NKAIN2: variants seen among roughly 807,000 people sequenced by gnomAD.
The protein encoded by NKAIN2 is sodium/potassium transporting ATPase interacting 2, also known as sodium/potassium-transporting ATPase subunit beta-1-interacting protein 2.
Under a neutral mutation model 32.6 loss-of-function variants are expected in NKAIN2, and 14 were observed. The ratio of observed to expected loss-of-function variants is 0.43; its 90% confidence interval spans 0.28 to 0.67. NKAIN2 has a LOEUF of 0.67. Ranked by LOEUF, NKAIN2 falls within the 30% of genes least tolerant of loss-of-function variation. The pLI, the probability that NKAIN2 is intolerant of heterozygous loss-of-function variation, is 0.17. For missense variants in NKAIN2, 198 were observed against 258.3 expected (o/e 0.77, Z 1.60); for synonymous variants, 80 against 87.2 (o/e 0.92, Z 0.46).
intron 1 of NKAIN2, among the ~76,000 whole-genome samples, chr6:124,239,838 A>ACACTTT (rs1792981211): frequency 6.6e-6 from 1 of 152,188 alleles, no homozygotes; most frequent in Non-Finnish European, 1.5e-5. Flanking sequence ...TAAAAGAACT[A>ACACTTT]GAGCAGCAAG....
intron 1 of NKAIN2, among the ~76,000 whole-genome samples, chr6:124,217,760 G>C (rs1791556617): frequency 6.6e-6 from 1 of 150,382 alleles, no homozygotes; most frequent in African/African-American, 2.4e-5. Context: ...AAATTCTGCT[G>C]GTAGATATAT....
chr6:124,789,599 C>T (rs1010698126), intron 4 of NKAIN2, among the ~76,000 whole-genome samples: 5 of 151,740 alleles, frequency 3.3e-5, no homozygotes, highest in Admixed American at 1.3e-4. Context: ...TTTCCAGTAC[C>T]CATGAAAATG....
chr6:123,949,483 G>C (rs944820955), intron 1 of NKAIN2, among the ~76,000 whole-genome samples: 3 of 151,844 alleles, frequency 2.0e-5, no homozygotes, highest in African/African-American at 4.8e-5. Context: ...ACTTTCATGA[G>C]TATCTTATAG....
At position 124,123,793 on chromosome 6, in the gene NKAIN2, A is replaced by G. The variant is rs142644726; in HGVS notation, c.55-159212A>G. 7.8e-4 allele frequency among the ~76,000 whole-genome samples: 119 copies of G among 152,212 alleles called. 1 individual carries two copies. Among genetic ancestry groups the G allele is most frequent in the African/African-American group, 2.5e-3 (105 of 41,548 alleles). ...TTTAGCCTGTTTTATCCTTTCCTCT[A>G]TATAGTTGGATGACTCAGAAACACT... On this transcript the variant is annotated intron_variant, in intron 1 of 6. Coordinates refer to ENST00000368417, the MANE Select transcript of NKAIN2 (RefSeq NM_001040214.3).
At chr6:124,580,223 A>G (rs1175701386) in intron 3 of NKAIN2, among the ~76,000 whole-genome samples, 6 of 152,236 alleles carry the variant, frequency 3.9e-5, no homozygotes, top group Non-Finnish European at 8.8e-5. Context: ...TGTAGCATGT[A>G]AACTACCCAT....
chr6:124,381,227 G>GT (rs1430604136), intron 3 of NKAIN2, among the ~76,000 whole-genome samples: 3 of 151,856 alleles, frequency 2.0e-5, no homozygotes, highest in South Asian at 2.1e-4. Context: ...AAAATATGTA[G>GT]TTTTTTCTAA....
intron 3 of NKAIN2, among the ~76,000 whole-genome samples, chr6:124,651,070 C>T (rs1459334600): frequency 6.6e-6 from 1 of 152,164 alleles, no homozygotes; most frequent in Admixed American, 6.5e-5. Context: ...AGAGGGGTGA[C>T]TTGTCTCAAT....
intron 1 of NKAIN2, among the ~76,000 whole-genome samples, chr6:123,835,521 A>G (rs2114922982): frequency 6.6e-6 from 1 of 152,214 alleles, no homozygotes; most frequent in South Asian, 2.1e-4. Flanking sequence ...TTTTTCATAG[A>G]TATTTTCTTG....
intron 3 of NKAIN2, among the ~76,000 whole-genome samples, chr6:124,363,311 A>G (rs970316360): frequency 2.0e-5 from 3 of 152,316 alleles, no homozygotes; most frequent in African/African-American, 4.8e-5. Context: ...AAAAAAAGCT[A>G]TATTCGAAAA....
intron 1 of NKAIN2, among the ~76,000 whole-genome samples, chr6:124,084,651 C>T (rs919242289): frequency 5.9e-5 from 9 of 151,476 alleles, no homozygotes; most frequent in Non-Finnish European, 2.9e-5. Flanking sequence ...CAGGAAAGTC[C>T]GGGAAAAAAG....
At chr6:124,587,373 C>A (rs1317329565) in intron 3 of NKAIN2, among the ~76,000 whole-genome samples, 1 of 151,872 alleles carries the variant, frequency 6.6e-6, no homozygotes, top group East Asian at 1.9e-4. Flanking sequence ...GCGCATGCCA[C>A]CACGCCCGGC....
intron 4 of NKAIN2, among the ~76,000 whole-genome samples, chr6:124,708,219 A>G (rs200443410): frequency 0.41 from 53,731 of 131,552 alleles, 10,876 homozygotes; most frequent in African/African-American, 0.49. Flanking sequence ...TTTGGTACCA[A>G]TACCATGCTG....
chr6:124,255,012 C>T (rs1344448547), intron 1 of NKAIN2, among the ~76,000 whole-genome samples: 1 of 152,168 alleles, frequency 6.6e-6, no homozygotes, highest in Admixed American at 6.5e-5. Context: ...ATGAATTAGG[C>T]CCCTTGGCTC....
intron 1 of NKAIN2, among the ~76,000 whole-genome samples, chr6:124,122,692 T>G (rs1190589671): frequency 2.6e-5 from 4 of 152,128 alleles, no homozygotes; most frequent in African/African-American, 9.7e-5. Context: ...CCCATAATTT[T>G]AAATCATTGT....
rs1773103447 is a variant in NKAIN2, at chr6:123,804,015, C to T, written c.-186C>T. 3 of 614,630 alleles carry T rather than the reference C, an allele frequency of 4.9e-6. No homozygotes were observed. Among genetic ancestry groups the T allele is most frequent in the Non-Finnish European group, 8.7e-6 (3 of 345,946 alleles). 38.1% of individuals were successfully genotyped at this position (614,630 alleles called of 1,614,324 possible). A position where few individuals can be genotyped will look rare whatever the true frequency, so the allele number is the denominator to read the frequency against. ...GCGGGCGCGGCTGGAGCTGCCGCCG[C>T]CGCCGCCGCCGCGCCAGCAGGTCCT... On this transcript the variant is annotated 5_prime_UTR_variant, in exon 1 of 7. Transcript: ENST00000368417.
In NKAIN2 at chr6:124,447,946, G is replaced by A. The variant is rs1195407240; in HGVS notation, c.273+92599G>A. On this transcript the variant is annotated intron_variant, in intron 3 of 6. Coordinates refer to ENST00000368417, the MANE Select transcript of NKAIN2 (RefSeq NM_001040214.3). ...CCTTTGCACTAGAGTAAATTCCATC[G>A]TATGATGTGTGAAGGGATACAGTAT... Among the ~76,000 whole-genome samples, 4 of 151,998 alleles carry A rather than the reference G, an allele frequency of 2.6e-5. No homozygotes were observed. The South Asian group carries it at 8.3e-4, about 32-fold the overall frequency.
At chr6:124,386,579 C>G (rs565722276) in intron 3 of NKAIN2, among the ~76,000 whole-genome samples, 3 of 152,110 alleles carry the variant, frequency 2.0e-5, no homozygotes, top group African/African-American at 4.8e-5. Context: ...GCAGCTGATC[C>G]GGGCGCAATG....
At chr6:124,640,380 G>A (rs564796204) in intron 3 of NKAIN2, among the ~76,000 whole-genome samples, 26 of 152,254 alleles carry the variant, frequency 1.7e-4, no homozygotes, top group African/African-American at 6.3e-4. Context: ...GTGGCCTCAG[G>A]TGAGTTCTTA....
At chr6:123,898,559 T>G (rs575479702) in intron 1 of NKAIN2, among the ~76,000 whole-genome samples, 2 of 151,842 alleles carry the variant, frequency 1.3e-5, no homozygotes, top group East Asian at 3.9e-4. Flanking sequence ...GTGTTTTTTT[T>G]TTTTTTTTTA....
Sources: gnomAD v4.1 joint callset for allele counts (sites outside exome capture counted in the v4.1 genomes callset) on GRCh38, gnomAD v4.1.1 for gene constraint, MANE v1.5 for transcripts, NCBI Gene and HGNC (gene_info 2026-07-23, HGNC 2026-07-21) for gene names.